Variants in CPED1 observed in about 807,000 individuals in gnomAD.
CPED1 encodes the protein cadherin like and PC-esterase domain containing 1.
In CPED1, 114 loss-of-function variants were observed where a neutral mutation model predicts 128.2. The ratio of observed to expected loss-of-function variants is 0.89; its 90% CI spans 0.76 to 1.04. CPED1 has a LOEUF of 1.04. Among genes scored for constraint, CPED1 ranks in the 50% least tolerant of loss-of-function variants. The probability of loss-of-function intolerance (pLI) is 0.00; values close to 1 mark genes in which losing one functional copy is unlikely to be tolerated. For synonymous variants in CPED1, 462 were observed against 426.7 expected (o/e 1.08, Z -1.02); for missense variants, 1,211 against 1,207.1 (o/e 1.00, Z -0.05).
intron 17 of CPED1, among the ~76,000 whole-genome samples, chr7:121,239,933 A>G: frequency 6.6e-6 from 1 of 152,216 alleles, no homozygotes; most frequent in East Asian, 1.9e-4. Flanking sequence ...AATATATAAC[A>G]TAGAATTTAT....
chr7:121,176,584 A>G lies in CPED1; in HGVS notation c.2055+34443A>G, dbSNP rs1461119851. On this transcript the variant is annotated intron_variant, in intron 16 of 22. Coordinates refer to ENST00000310396, the MANE Select transcript of CPED1 (RefSeq NM_024913.5). ...GGATTGATTTATTAGCCATGATTAA[A>G]GGAGTCAAATATGTCCACAGGGAAA... Among the ~76,000 whole-genome samples, 7 of 152,220 alleles carry G rather than the reference A, an allele frequency of 4.6e-5. No individual in the cohort carries two copies. In the East Asian group the frequency reaches 1.4e-3, roughly 29 times the overall value.
intron 16 of CPED1, among the ~76,000 whole-genome samples, chr7:121,205,487 T>C (rs976316799): frequency 2.6e-5 from 4 of 152,094 alleles, no homozygotes; most frequent in Non-Finnish European, 4.4e-5. Flanking sequence ...ATCTTTTCTT[T>C]GCACTTTCAG....
At chr7:121,128,596 A>G in intron 11 of CPED1, 110 bp downstream of exon 11, 1 of 644,414 alleles carries the variant, frequency 1.6e-6, no homozygotes, top group Admixed American at 2.6e-5. Context: ...TTTAAGAAAT[A>G]GAAATCTTTA....
At chr7:121,019,730 A>T (rs564805204) in intron 3 of CPED1, among the ~76,000 whole-genome samples, 7 of 152,144 alleles carry the variant, frequency 4.6e-5, no homozygotes, top group African/African-American at 1.7e-4. Context: ...CAGAGTAAAC[A>T]TATGCACTAT....
intron 5 of CPED1, among the ~76,000 whole-genome samples, chr7:121,072,425 T>G (rs536129919): frequency 6.6e-6 from 1 of 152,216 alleles, no homozygotes; most frequent in East Asian, 1.9e-4. Flanking sequence ...CCAGCATTCA[T>G]AGTATAGAAG....
At chr7:121,002,229 T>A (rs1791881090) in intron 2 of CPED1, among the ~76,000 whole-genome samples, 1 of 152,188 alleles carries the variant, frequency 6.6e-6, no homozygotes. Context: ...AGCCTACTTC[T>A]TCCCTAGTGG....
At chr7:121,157,404 T>C (rs1358359745) in intron 16 of CPED1, among the ~76,000 whole-genome samples, 1 of 151,886 alleles carries the variant, frequency 6.6e-6, no homozygotes, top group African/African-American at 2.4e-5. Context: ...GGGAAAAGGT[T>C]TGAGGGGCCA....
intron 7 of CPED1, among the ~76,000 whole-genome samples, chr7:121,120,309 T>G (rs1795353647): frequency 6.6e-6 from 1 of 152,176 alleles, no homozygotes; most frequent in Non-Finnish European, 1.5e-5. Flanking sequence ...CACCAATGAT[T>G]ATTTTCTGTT....
intron 4 of CPED1, among the ~76,000 whole-genome samples, chr7:121,054,001 C>G (rs1447363003): frequency 6.6e-6 from 1 of 152,140 alleles, no homozygotes; most frequent in South Asian, 2.1e-4. Context: ...AAGAGATACT[C>G]CAAATTCATC....
rs140075995 is a variant in CPED1, at chr7:120,995,542, C to G, written c.249+5672C>G. On this transcript the variant is annotated intron_variant, in intron 2 of 22. Transcript: ENST00000310396. ...TTTTCACCCTTGGCAGATGACATAT[C>G]ACCTACCTCTTCAAATTCCTGCTAC... Among the ~76,000 whole-genome samples the G allele has an allele frequency of 3.9e-5, 6 of 152,216 alleles. No homozygotes were observed. The East Asian group carries it at 1.2e-3, about 29-fold the overall frequency.
At chr7:121,165,997 T>G (rs1796513721) in intron 16 of CPED1, among the ~76,000 whole-genome samples, 1 of 152,198 alleles carries the variant, frequency 6.6e-6, no homozygotes, top group South Asian at 2.1e-4. Context: ...ATGTGGCTAT[T>G]TTGACAAATC....
intron 3 of CPED1, among the ~76,000 whole-genome samples, chr7:121,037,788 T>A (rs539022056): frequency 8.2e-4 from 125 of 152,320 alleles, no homozygotes; most frequent in Non-Finnish European, 1.4e-3. Context: ...TGTTTTCATT[T>A]GTTTATGTCA....
intron 3 of CPED1, among the ~76,000 whole-genome samples, chr7:121,031,823 CTT>C (rs977100548): frequency 6.6e-6 from 1 of 151,940 alleles, no homozygotes; most frequent in Admixed American, 6.6e-5. Flanking sequence ...ATTTGTAAAA[CTT>C]AATACTATGT....
At chr7:121,014,335 G>A (rs943287459) in intron 2 of CPED1, among the ~76,000 whole-genome samples, 6 of 152,054 alleles carry the variant, frequency 3.9e-5, no homozygotes, top group Non-Finnish European at 7.4e-5. Flanking sequence ...GGCGGATCAC[G>A]AGGTCAGGAG....
At chr7:121,228,160 T>C (rs920974944) in intron 16 of CPED1, among the ~76,000 whole-genome samples, 2 of 152,016 alleles carry the variant, frequency 1.3e-5, no homozygotes, top group African/African-American at 4.8e-5. Context: ...GAAGACTTAA[T>C]TAAACTAGAA....
intron 18 of CPED1, among the ~76,000 whole-genome samples, chr7:121,246,222 G>A (rs889698128): frequency 4.6e-5 from 7 of 152,122 alleles, no homozygotes; most frequent in Non-Finnish European, 7.3e-5. Context: ...TAAATCCTAC[G>A]GTTTTGGACA....
intron 18 of CPED1, among the ~76,000 whole-genome samples, chr7:121,252,410 A>G (rs984627404): frequency 6.6e-6 from 1 of 151,816 alleles, no homozygotes; most frequent in Non-Finnish European, 1.5e-5. Flanking sequence ...GACATCGGCA[A>G]GGACTTCATG....
intron 2 of CPED1, among the ~76,000 whole-genome samples, chr7:121,008,005 T>G (rs78890274): frequency 6.6e-6 from 1 of 152,222 alleles, no homozygotes; most frequent in East Asian, 1.9e-4. Context: ...TTTACCTCTT[T>G]TTTTTAACCT....
intron 5 of CPED1, among the ~76,000 whole-genome samples, chr7:121,075,440 A>G (rs1338007277): frequency 1.3e-5 from 2 of 152,046 alleles, no homozygotes; most frequent in Non-Finnish European, 2.9e-5. Context: ...AGTGCCATGC[A>G]TGGTCTCAAT....
Sources: allele counts gnomAD v4.1 joint callset (sites outside exome capture counted in the v4.1 genomes callset), GRCh38; gene constraint gnomAD v4.1.1; transcripts MANE v1.5; gene names NCBI Gene and HGNC (gene_info 2026-07-23, HGNC 2026-07-21).